NECTIN1: variants seen among roughly 807,000 people sequenced by gnomAD.
NECTIN1 encodes nectin-1.
Under a neutral mutation model 48.0 loss-of-function variants are expected in NECTIN1, and 23 were observed. The ratio of observed to expected loss-of-function variants is 0.48; its 90% CI spans 0.34 to 0.68. The LOEUF (loss-of-function observed/expected upper bound fraction) is 0.68, where lower values mean the gene tolerates loss of function less well. NECTIN1 is among the 30% of genes least tolerant of loss of function. NECTIN1 has a pLI of 0.01. For synonymous variants in NECTIN1, 270 were observed against 288.9 expected, an observed-to-expected ratio of 0.93 and a Z score of 0.66; for missense variants, 591 against 709.9, an observed-to-expected ratio of 0.83 and a Z score of 1.90.
chr11:119,646,406 G>A (rs1379745810), intron 5 of NECTIN1, among the ~76,000 whole-genome samples: 1 of 152,258 alleles, frequency 6.6e-6, no homozygotes, highest in Non-Finnish European at 1.5e-5. Flanking sequence ...AGAAATGGAT[G>A]AAGTTGCTGC....
At chr11:119,701,693 C>G (rs767153287) in intron 1 of NECTIN1, among the ~76,000 whole-genome samples, 2 of 152,182 alleles carry the variant, frequency 1.3e-5, no homozygotes, top group African/African-American at 2.4e-5. Context: ...TTAATTAGTT[C>G]TGACAAATTA....
At position 119,661,670 on chromosome 11, in the gene NECTIN1, G is replaced by A; in HGVS notation, c.*3077C>T. ...TTGCACCAGTGACTTGGGCAAGTGG[G>A]GGTTGGCTGGCAGAGGAAGCGCATG... On this transcript the variant is annotated 3_prime_UTR_variant, in exon 6 of 6. Transcript: ENST00000264025. 1.0e-6 allele frequency: 1 copy of A among 985,912 alleles called. No homozygotes were observed. The highest frequency in any genetic ancestry group is 1.2e-6 in the Non-Finnish European group (1 of 829,974). 61.1% of individuals were successfully genotyped at this position (985,912 alleles called of 1,614,324 possible). A position where few individuals can be genotyped will look rare whatever the true frequency, so the allele number is the denominator to read the frequency against.
At chr11:119,675,425 G>C in intron 4 of NECTIN1, 115 bp from the exon 5 acceptor site, 1 of 1,016,810 alleles carries the variant, frequency 9.8e-7, no homozygotes, top group Non-Finnish European at 1.5e-6. Flanking sequence ...TTGTGTGGTA[G>C]AGTCTGTCTT....
chr11:119,701,121 G>A (rs900669496), intron 1 of NECTIN1, among the ~76,000 whole-genome samples: 1 of 152,168 alleles, frequency 6.6e-6, no homozygotes, highest in African/African-American at 2.4e-5. Flanking sequence ...CCAGCCATTC[G>A]CTGTGTGGCC....
chr11:119,680,407 C>T (rs1364369813), intron 1 of NECTIN1, among the ~76,000 whole-genome samples: 1 of 152,162 alleles, frequency 6.6e-6, no homozygotes, highest in Non-Finnish European at 1.5e-5. Context: ...TGACCCAAGG[C>T]AGGGGGAGGA....
Position 119,719,649 on chromosome 11 carries a change from T to A in NECTIN1, c.79+8826A>T, listed in dbSNP as rs374668010. On this transcript the variant is annotated intron_variant, in intron 1 of 5. Transcript: ENST00000264025. ...TACAAGTGTGTTATTATTATCCTCA[T>A]CAATGTTTCAAACAAGCAACTGTCT... 1.6e-4 allele frequency among the ~76,000 whole-genome samples: 25 copies of A among 152,320 alleles called. 1 individual carries two copies. The East Asian group carries it at 3.7e-3, about 22-fold the overall frequency.
intron 1 of NECTIN1, among the ~76,000 whole-genome samples, chr11:119,704,678 G>A (rs1865517312): frequency 6.6e-6 from 1 of 152,180 alleles, no homozygotes; most frequent in Non-Finnish European, 1.5e-5. Flanking sequence ...AGTGTTGGCA[G>A]GGCTCAGAAT....
At chr11:119,675,468 T>C in intron 4 of NECTIN1, 158 bp from the exon 5 acceptor site, 2 of 686,954 alleles carry the variant, frequency 2.9e-6, no homozygotes. Context: ...ATAATCTCTT[T>C]CACTTGGTAG....
Position 119,727,006 on chromosome 11 carries a change from G to T in NECTIN1, c.79+1469C>A, listed in dbSNP as rs1273163481. Among the ~76,000 whole-genome samples the T allele has an allele frequency of 2.0e-5, 3 of 152,098 alleles. No homozygotes were observed. Among genetic ancestry groups the T allele is most frequent in the Non-Finnish European group, 4.4e-5 (3 of 68,018 alleles). ...TGGGCAGTGACACCTGTGAGCCCTG[G>T]ATTTTCCCCACCCCCCACATCGAGC... On this transcript the variant is annotated intron_variant, in intron 1 of 5. Transcript: ENST00000264025. This position sits in a 1 kb window ranked among gnomAD's most constrained non-coding sequence, Gnocchi z 4.1.
chr11:119,727,983 C>T lies in NECTIN1; in HGVS notation c.79+492G>A, dbSNP rs1052763419. On this transcript the variant is annotated intron_variant, in intron 1 of 5. Transcript: ENST00000264025. The surrounding 1 kb of genome is among the most constrained non-coding windows in gnomAD (Gnocchi z 4.1). The stretch of plus-strand genomic sequence containing the variant: ...TGGGGCGGTGTGGGGCGGGAGGGGG[C>T]CCGAGCGTCCTGAGCCGTCTGGCAA... Among the ~76,000 whole-genome samples the T allele has an allele frequency of 6.6e-6, 1 of 152,106 alleles. No homozygotes were observed. The highest frequency in any genetic ancestry group is 2.4e-5 in the African/African-American group (1 of 41,436).
Position 119,677,488 on chromosome 11 carries a change from G to T in NECTIN1, c.733+67C>A. 1 of 1,535,222 alleles carries T rather than the reference G, an allele frequency of 6.5e-7. No homozygotes were observed. The highest frequency in any genetic ancestry group is 1.1e-5 in the South Asian group (1 of 89,314). On this transcript the variant is annotated intron_variant, in intron 3 of 5. Transcript: ENST00000264025. The surrounding 1 kb of genome is among the most constrained non-coding windows in gnomAD (Gnocchi z 5.4). ...CCAGAAAGAGAAAGGGAGGAGAAAG[G>T]AGAGGAGGAGGGAGGAGGGACAGTG...
In NECTIN1 at chr11:119,661,164, C is replaced by A; in HGVS notation, c.*3583G>T. On this transcript the variant is annotated 3_prime_UTR_variant, in exon 6 of 6. Coordinates refer to ENST00000264025, the MANE Select transcript of NECTIN1 (RefSeq NM_002855.5). ...ACCAAAGGCGGAAAGGGCGACAAGA[C>A]GCCGAAGCAAGGTAGCGCATCACGC... 1.0e-6 allele frequency: 1 copy of A among 985,780 alleles called. No individual in the cohort carries two copies. Among genetic ancestry groups the A allele is most frequent in the Non-Finnish European group, 1.2e-6 (1 of 829,926 alleles). The allele number at this position is 985,780 out of a possible 1,614,324, so 61.1% of individuals were successfully genotyped here.
rs76239725 is a variant in NECTIN1 at position 119,646,117 on chromosome 11, G to A, written c.1004-6105C>T. 5.1e-3 allele frequency among the ~76,000 whole-genome samples: 778 copies of A among 152,318 alleles called. 5 individuals are homozygous for A. The highest frequency in any genetic ancestry group is 0.018 in the African/African-American group (741 of 41,570). Reference sequence around the variant, plus strand: ...TGGCTTGCATTTCAGCCTTGTGTCTGTTCTGGTGGGCCCCTCAGTGCAAAA... The same window carrying A: ...TGGCTTGCATTTCAGCCTTGTGTCTATTCTGGTGGGCCCCTCAGTGCAAAA... On this transcript the variant is annotated intron_variant, in intron 5 of 7. Transcript: ENST00000341398.
intron 5 of NECTIN1, among the ~76,000 whole-genome samples, chr11:119,643,525 C>G (rs769413953): frequency 6.6e-6 from 1 of 152,208 alleles, no homozygotes; most frequent in Non-Finnish European, 1.5e-5. Flanking sequence ...TTTCTCATCC[C>G]TCACTTGGCA....
chr11:119,700,913 A>T (rs1198959891), intron 1 of NECTIN1, among the ~76,000 whole-genome samples: 2 of 152,150 alleles, frequency 1.3e-5, no homozygotes, highest in African/African-American at 4.8e-5. Flanking sequence ...GTAGCACTGG[A>T]GCTTCTGTGG....
rs114521228 is a variant in NECTIN1, at chr11:119,716,049, G to A, written c.79+12426C>T. Among the ~76,000 whole-genome samples the A allele has an allele frequency of 5.7e-3, 872 of 152,300 alleles. 6 individuals carry two copies. The highest frequency in any genetic ancestry group is 0.018 in the African/African-American group (735 of 41,552). On this transcript the variant is annotated intron_variant, in intron 1 of 5. Transcript: ENST00000264025. ...ATTCCTACAGGGACTGGCACTGGGC[G>A]CTTGGGGCAGCCAGAATTCTGCACC...
chr11:119,708,472 C>G (rs1377124748), intron 1 of NECTIN1, among the ~76,000 whole-genome samples: 2 of 152,154 alleles, frequency 1.3e-5, no homozygotes, highest in African/African-American at 4.8e-5. Flanking sequence ...CACATCTGTG[C>G]TTTGGAAAGA....
intron 5 of NECTIN1, among the ~76,000 whole-genome samples, chr11:119,670,230 G>C (rs1864843582): frequency 6.6e-6 from 1 of 152,140 alleles, no homozygotes; most frequent in African/African-American, 2.4e-5. Context: ...AAAGTGCTGG[G>C]ATTACAGGTG....
intron 1 of NECTIN1, among the ~76,000 whole-genome samples, chr11:119,703,785 A>G (rs1182243634): frequency 6.6e-6 from 1 of 152,226 alleles, no homozygotes; most frequent in African/African-American, 2.4e-5. Context: ...ACTCTTCATG[A>G]GATCCCAAAA....
Sources: gnomAD v4.1 joint callset for allele counts (sites outside exome capture counted in the v4.1 genomes callset) on GRCh38, gnomAD v4.1.1 for gene constraint, Gnocchi (gnomAD v3.1) non-coding constraint, MANE v1.5 for transcripts, NCBI Gene and HGNC (gene_info 2026-07-23, HGNC 2026-07-21) for gene names.